Variants in LRRC74A observed in about 807,000 individuals in gnomAD.
LRRC74A encodes leucine rich repeat containing 74A, also known as leucine-rich repeat-containing protein 74A.
In LRRC74A, 44 loss-of-function variants were observed where a neutral mutation model predicts 57.9. The ratio of observed to expected loss-of-function variants is 0.76; its 90% CI spans 0.60 to 0.98. LRRC74A has a LOEUF of 0.98. Among genes scored for constraint, LRRC74A ranks in the 50% least tolerant of loss-of-function variants. The probability of loss-of-function intolerance (pLI) is 0.00; values close to 1 mark genes in which losing one functional copy is unlikely to be tolerated. For missense variants in LRRC74A, 572 were observed against 574.0 expected (o/e 1.00, Z 0.04); for synonymous variants, 211 against 219.4 (o/e 0.96, Z 0.34).
intron 4 of LRRC74A, 29 bp downstream of exon 4, chr14:76,836,343 C>A (rs1264430399): frequency 3.3e-6 from 5 of 1,508,192 alleles, no homozygotes; most frequent in Non-Finnish European, 3.7e-6. Context: ...CTGGCTCTTA[C>A]CATCATCCCT....
chr14:76,835,488 A>C (rs1044820483), intron 3 of LRRC74A, among the ~76,000 whole-genome samples: 2 of 2,586 alleles, frequency 7.7e-4, no homozygotes, highest in Non-Finnish European at 5.1e-3. Flanking sequence ...CTCCATCTCA[A>C]AAAAAAAAAA....
chr14:76,847,155 G>A lies in LRRC74A; in HGVS notation c.676+2254G>A, dbSNP rs546794663. On this transcript the variant is annotated intron_variant, in intron 7 of 13. Coordinates refer to ENST00000689127, the MANE Select transcript of LRRC74A (RefSeq NM_001385106.1). ...GTGCAGTGCAGGAAGAAGATCGACA[G>A]TTGCATCAAATGCTGTTGAGAGATC... is the stretch of plus-strand genomic sequence containing the variant. Among the ~76,000 whole-genome samples, 3 of 152,290 alleles carry A rather than the reference G, an allele frequency of 2.0e-5. No homozygotes were observed. The South Asian group carries it at 6.2e-4, about 32-fold the overall frequency.
chr14:76,855,984 G>C lies in LRRC74A; in HGVS notation c.958-1396G>C, dbSNP rs190163261. On this transcript the variant is annotated intron_variant, in intron 9 of 13. Transcript: ENST00000689127. ...GGCAGCTGGTAAGCAGAGCCACCAG[G>C]CTCCACAGTCCCTTCCATTAACTTC... Among the ~76,000 whole-genome samples the C allele has an allele frequency of 2.0e-4, 30 of 152,290 alleles. No individual in the cohort carries two copies. The East Asian group carries it at 4.8e-3, about 24-fold the overall frequency.
intron 7 of LRRC74A, among the ~76,000 whole-genome samples, chr14:76,851,412 C>T (rs1215410061): frequency 1.3e-5 from 2 of 152,192 alleles, no homozygotes. Context: ...GGCTGGAGTG[C>T]AATGGCACCA....
intron 3 of LRRC74A, among the ~76,000 whole-genome samples, chr14:76,834,859 G>C (rs1351793869): frequency 6.6e-6 from 1 of 152,198 alleles, no homozygotes; most frequent in Non-Finnish European, 1.5e-5. Context: ...CACAACTCAA[G>C]GCAATTGAAT....
intron 3 of LRRC74A, among the ~76,000 whole-genome samples, chr14:76,833,266 A>G (rs1276147303): frequency 2.0e-5 from 3 of 152,088 alleles, no homozygotes. Context: ...CAGTTATGAA[A>G]TACATGGCAA....
At chr14:76,867,239 G>A (rs1203224953) in intron 12 of LRRC74A, 117 bp from the exon 13 acceptor site, 3 of 371,738 alleles carry the variant, frequency 8.1e-6, no homozygotes, top group East Asian at 1.1e-4. Flanking sequence ...TGTGTGTGGG[G>A]GTGTGTGTTG....
intron 9 of LRRC74A, among the ~76,000 whole-genome samples, chr14:76,857,004 TG>T (rs1250425164): frequency 6.8e-6 from 1 of 146,912 alleles, no homozygotes; most frequent in East Asian, 2.0e-4. Context: ...GATGGATGGA[TG>T]GATGGATAGG....
At chr14:76,837,499 C>CATT (rs1363348223) in intron 4 of LRRC74A, among the ~76,000 whole-genome samples, 1 of 152,208 alleles carries the variant, frequency 6.6e-6, no homozygotes, top group African/African-American at 2.4e-5. Flanking sequence ...ACTCTAAACT[C>CATT]ATTTTTCACT....
Position 76,870,299 on chromosome 14 carries a change from T to C in LRRC74A, c.*150T>C. 3.6e-6 allele frequency: 3 copies of C among 835,036 alleles called. No individual in the cohort carries two copies. In the East Asian group the frequency reaches 8.0e-5, roughly 22 times the overall value. 51.7% of individuals were successfully genotyped at this position (835,036 alleles called of 1,614,324 possible). ...AAGCAAATAAAGTCTGGCTTGGTTCTGGGTGTCTTGGGCTGCTGGTGGTGT... is the reference window on the plus strand; with the variant it reads ...AAGCAAATAAAGTCTGGCTTGGTTCCGGGTGTCTTGGGCTGCTGGTGGTGT... On this transcript the variant is annotated 3_prime_UTR_variant, in exon 14 of 14. Coordinates refer to ENST00000689127, the MANE Select transcript of LRRC74A (RefSeq NM_001385106.1).
In LRRC74A at chr14:76,831,238, C is replaced by G. The variant is rs769708746; in HGVS notation, c.202C>G (p.Leu68Val). ...EKFFTTGQKE[L>V]YLEACKLMGV... is the part of the protein sequence containing the mutation. Reference sequence around the variant, plus strand: ...ATTTTTCACCACTGGACAAAAGGAGCTGTACCTGGAGGCCTGCAAGCTGAT... The same window carrying G: ...ATTTTTCACCACTGGACAAAAGGAGGTGTACCTGGAGGCCTGCAAGCTGAT... Residue 68 changes from leucine (L) to valine (V), a missense_variant, in exon 3 of 14, where the codon CTG (leucine) becomes GTG (valine). Coordinates refer to ENST00000689127, the MANE Select transcript of LRRC74A (RefSeq NM_001385106.1). 126 of 1,613,918 alleles carry G rather than the reference C, an allele frequency of 7.8e-5. No homozygotes were observed. Among genetic ancestry groups the G allele is most frequent in the Non-Finnish European group, 1.0e-4 (122 of 1,179,886 alleles).
intron 11 of LRRC74A, among the ~76,000 whole-genome samples, chr14:76,865,600 G>A (rs528376703): frequency 6.6e-6 from 1 of 152,318 alleles, no homozygotes; most frequent in South Asian, 2.1e-4. Flanking sequence ...AACAGATTGC[G>A]TTTGTAGATA....
Position 76,826,496 on chromosome 14 carries a change from A to T in LRRC74A, c.-202A>T, listed in dbSNP as rs200362790. ...CCCAGACAGAGTTGGGGTCAAATTCATGCACATCCAATTCCCATCAAAGCC... is the reference window on the plus strand; with the variant it reads ...CCCAGACAGAGTTGGGGTCAAATTCTTGCACATCCAATTCCCATCAAAGCC... On this transcript the variant is annotated 5_prime_UTR_variant, in exon 1 of 14. An upstream start codon of the reference 5' UTR is lost. Coordinates refer to ENST00000689127, the MANE Select transcript of LRRC74A (RefSeq NM_001385106.1). 7.5e-4 allele frequency: 1,181 copies of T among 1,575,540 alleles called. 12 individuals carry two copies. In the South Asian group the frequency reaches 7.8e-3, roughly 10 times the overall value.
intron 9 of LRRC74A, among the ~76,000 whole-genome samples, chr14:76,855,511 G>C (rs983559974): frequency 1.3e-5 from 2 of 152,178 alleles, no homozygotes; most frequent in Non-Finnish European, 2.9e-5. Flanking sequence ...AGAAGTAAAA[G>C]AGAAAAGTTT....
chr14:76,827,104 T>C (rs1262903958), intron 1 of LRRC74A, among the ~76,000 whole-genome samples: 2 of 152,190 alleles, frequency 1.3e-5, no homozygotes, highest in East Asian at 3.8e-4. Flanking sequence ...ATTGTTAAAA[T>C]TTACCAGCAT....
chr14:76,828,968 T>A, intron 2 of LRRC74A: 7 of 1,277,436 alleles, frequency 5.5e-6, no homozygotes, highest in Non-Finnish European at 7.1e-6. Flanking sequence ...ACACTCACCT[T>A]AGAGCTCTGG....
At chr14:76,863,064 T>C (rs1432810715) in intron 11 of LRRC74A, among the ~76,000 whole-genome samples, 1 of 152,158 alleles carries the variant, frequency 6.6e-6, no homozygotes, top group African/African-American at 2.4e-5. Context: ...AGATGTGGAA[T>C]GATGGCTTGG....
chr14:76,828,941 A>C lies in LRRC74A; in HGVS notation c.166+522A>C, dbSNP rs1389032785. On this transcript the variant is annotated intron_variant, in intron 2 of 13. Coordinates refer to ENST00000689127, the MANE Select transcript of LRRC74A (RefSeq NM_001385106.1). ...GGAGTGTTTCTGTGGCCTATCTTGC[A>C]TCCCAGTGACTTTCCCACACTCACC... is the stretch of plus-strand genomic sequence containing the variant. 3 of 1,177,330 alleles carry C rather than the reference A, an allele frequency of 2.5e-6. No homozygotes were observed. The African/African-American group carries it at 4.7e-5, about 19-fold the overall frequency. The allele number at this position is 1,177,330 out of a possible 1,614,324, so 72.9% of individuals were successfully genotyped here.
chr14:76,846,136 A>C (rs1897105745), intron 7 of LRRC74A, among the ~76,000 whole-genome samples: 1 of 152,228 alleles, frequency 6.6e-6, no homozygotes, highest in Non-Finnish European at 1.5e-5. Context: ...GACAATGATA[A>C]ATAGCCTCAA....
Sources: gnomAD v4.1 joint callset for allele counts (sites outside exome capture counted in the v4.1 genomes callset) on GRCh38, gnomAD v4.1.1 for gene constraint, MANE v1.5 for transcripts, NCBI Gene and HGNC (gene_info 2026-07-23, HGNC 2026-07-21) for gene names.